Variants in KBTBD8 observed in about 807,000 individuals in gnomAD.
KBTBD8 encodes kelch repeat and BTB domain-containing protein 8.
Under a neutral mutation model 53.5 loss-of-function variants are expected in KBTBD8, and 31 were observed. That is an observed-to-expected ratio of 0.58 (90% confidence interval 0.44 to 0.78). The LOEUF (loss-of-function observed/expected upper bound fraction) is 0.78. Among genes scored for constraint, KBTBD8 ranks in the 30% least tolerant of loss-of-function variants. The probability of loss-of-function intolerance (pLI) is 0.00; values close to 1 mark genes in which losing one functional copy is unlikely to be tolerated. For missense variants in KBTBD8, 642 were observed against 735.8 expected (o/e 0.87, Z 1.48); for synonymous variants, 250 against 247.3 (o/e 1.01, Z -0.10).
Position 66,999,025 on chromosome 3 carries a change from G to A in KBTBD8, c.61G>A (p.Asp21Asn). 1.9e-6 allele frequency: 3 copies of A among 1,613,726 alleles called. No individual in the cohort carries two copies. The highest frequency in any genetic ancestry group is 2.5e-6 in the Non-Finnish European group (3 of 1,179,800). The change falls in exon 2 of 4, where the codon GAC becomes AAC. Residue 21 changes from aspartate (D) to asparagine (N), a missense_variant. Transcript: ENST00000417314. ...SPTPNGIPSS[D>N]PASDAMDPFH... ...AACACCGAATGGGATTCCATCTTCA[G>A]ACCCAGCCAGCGATGCCATGGACCC...
At chr3:66,998,781 T>G (rs1701987405) in intron 1 of KBTBD8, 200 bp from the exon 2 acceptor site, 2 of 606,528 alleles carry the variant, frequency 3.3e-6, no homozygotes, top group South Asian at 4.0e-5. Context: ...GCCTTTGAAC[T>G]TGTTCCGCCG....
At chr3:67,003,095 C>T in intron 2 of KBTBD8, 100 bp from the exon 3 acceptor site, 1 of 1,215,650 alleles carries the variant, frequency 8.2e-7, no homozygotes, top group South Asian at 1.4e-5. Context: ...TATTCTGTTT[C>T]AAAAGGTTAT....
Position 67,004,226 on chromosome 3 carries a change from G to T in KBTBD8, c.1259G>T (p.Cys420Phe). Residue 420 changes from cysteine (C) to phenylalanine (F), a missense_variant, in exon 3 of 4, where the codon TGT becomes TTT. Physicochemically the swap from Cys to Phe is radical, Grantham distance 205. Transcript: ENST00000417314. ...SVECYDSRENCWTTVCAMPVA... is the reference protein window; with the variant it reads ...SVECYDSRENFWTTVCAMPVA... ...GAGTGCTACGACAGTAGAGAGAATT[G>T]TTGGACGACTGTTTGCGCGATGCCA... 1.2e-6 allele frequency: 2 copies of T among 1,614,170 alleles called. No individual in the cohort carries two copies. The highest frequency in any genetic ancestry group is 1.7e-6 in the Non-Finnish European group (2 of 1,180,014).
rs1702110629 is a variant in KBTBD8 at position 67,010,814 on chromosome 3, TA to T, written c.*2431del. The T allele has an allele frequency of 6.5e-6, 1 of 152,780 alleles. No homozygotes were observed. The highest frequency in any genetic ancestry group is 6.5e-5 in the Admixed American group (1 of 15,306). The allele number at this position is 152,780 out of a possible 1,614,324, so 9.5% of individuals were successfully genotyped here. A position where few individuals can be genotyped will look rare whatever the true frequency, so the allele number is the denominator to read the frequency against. ...GTCTAACATAATGCCAGTTCCACTT[TA>T]ACTTTGTTTTTGCATTTGAAGAATG... On this transcript the variant is annotated 3_prime_UTR_variant, in exon 4 of 4. Transcript: ENST00000417314.
chr3:67,001,994 G>T (rs1414007214), intron 2 of KBTBD8, among the ~76,000 whole-genome samples: 1 of 152,136 alleles, frequency 6.6e-6, no homozygotes, highest in Non-Finnish European at 1.5e-5. Flanking sequence ...TACTTAAAGA[G>T]CCAGGCTGCT....
chr3:66,998,882 G>T (rs982261960), intron 1 of KBTBD8, 99 bp from the exon 2 acceptor site: 3 of 892,044 alleles, frequency 3.4e-6, no homozygotes, highest in Non-Finnish European at 3.6e-6. Flanking sequence ...TATCTTGTAG[G>T]GGGAAAAAGC....
chr3:67,003,751 GC>G lies in KBTBD8; in HGVS notation c.786del (p.Ser264AlafsTer3). 1 of 1,614,070 alleles carries G rather than the reference GC, an allele frequency of 6.2e-7. No individual in the cohort carries two copies. Among genetic ancestry groups the G allele is most frequent in the Non-Finnish European group, 8.5e-7 (1 of 1,179,976 alleles). ...TCCACCTCAGTTTGCACAGGCTATA[GC>G]CAAAAGCTGTGTAGAAAAGGGACCA... Reference protein sequence around the residue: ...KIPPQFAQAIAKSCVEKGPSN... With the variant: ...KIPPQFAQAIXKSCVEKGPSN... On this transcript the variant is annotated frameshift_variant, in exon 3 of 4. Coordinates refer to ENST00000417314, the MANE Select transcript of KBTBD8 (RefSeq NM_032505.3). LOFTEE classifies it high-confidence loss of function.
intron 2 of KBTBD8, among the ~76,000 whole-genome samples, chr3:67,001,704 G>A (rs1031824882): frequency 6.6e-6 from 1 of 152,100 alleles, no homozygotes; most frequent in Non-Finnish European, 1.5e-5. Context: ...CATCAAAAAA[G>A]CCAGTGTGAT....
Position 66,998,332 on chromosome 3 carries a change from C to A in KBTBD8, c.-24C>A. The A allele has an allele frequency of 1.5e-6, 2 of 1,299,186 alleles. No homozygotes were observed. Among genetic ancestry groups the A allele is most frequent in the Non-Finnish European group, 2.0e-6 (2 of 1,015,866 alleles). 80.5% of individuals were successfully genotyped at this position (1,299,186 alleles called of 1,614,324 possible). A position where few individuals can be genotyped will look rare whatever the true frequency, so the allele number is the denominator to read the frequency against. The stretch of plus-strand genomic sequence containing the variant: ...GAAATGACATTTCCTTTTTAAATAG[C>A]TGGAGTCGGGGCCCCATCGAGAAAT... On this transcript the variant is annotated 5_prime_UTR_variant, in exon 1 of 4. The change creates a new upstream start codon in the 5' untranslated region. Transcript: ENST00000417314.
intron 2 of KBTBD8, among the ~76,000 whole-genome samples, 191 bp downstream of exon 2, chr3:66,999,382 G>A (rs1003620768): frequency 6.6e-6 from 1 of 152,128 alleles, no homozygotes; most frequent in Non-Finnish European, 1.5e-5. Context: ...CTAGATTTCG[G>A]GTGATTGCTT....
In KBTBD8 at chr3:66,998,384, G is replaced by C. The variant is rs1701981301; in HGVS notation, c.16+13G>C. ...GCCGCGTCGGCAGGTGGGTCGTGTGGTGGCCAGGGCGGCGTGGAGGGAGGT... is the reference window on the plus strand; with the variant it reads ...GCCGCGTCGGCAGGTGGGTCGTGTGCTGGCCAGGGCGGCGTGGAGGGAGGT... On this transcript the variant is annotated intron_variant, in intron 1 of 3. Transcript: ENST00000417314. The C allele has an allele frequency of 7.7e-7, 1 of 1,296,634 alleles. No individual in the cohort carries two copies. The highest frequency in any genetic ancestry group is 9.9e-7 in the Non-Finnish European group (1 of 1,014,646). 80.3% of individuals were successfully genotyped at this position (1,296,634 alleles called of 1,614,324 possible).
At chr3:67,001,168 C>T (rs1191821255) in intron 2 of KBTBD8, among the ~76,000 whole-genome samples, 5 of 152,062 alleles carry the variant, frequency 3.3e-5, no homozygotes, top group Admixed American at 1.3e-4. Context: ...AGATATTTGG[C>T]TAGAAACCTC....
In KBTBD8 at chr3:67,005,281, T is replaced by C. The variant is rs139616650; in HGVS notation, c.1342+972T>C. On this transcript the variant is annotated intron_variant, in intron 3 of 3. Coordinates refer to ENST00000417314, the MANE Select transcript of KBTBD8 (RefSeq NM_032505.3). ...AAAAGGAGCAGCTTCTATGAAGATA[T>C]ACAGTCATGTGCCATGTAATGTTTT... is the stretch of plus-strand genomic sequence containing the variant. Among the ~76,000 whole-genome samples, 346 of 152,356 alleles carry C rather than the reference T, an allele frequency of 2.3e-3. 1 individual carries two copies. The highest frequency in any genetic ancestry group is 3.1e-3 in the Non-Finnish European group (210 of 68,034).
intron 2 of KBTBD8, among the ~76,000 whole-genome samples, chr3:67,002,476 A>G (rs1040913095): frequency 3.3e-4 from 46 of 139,538 alleles, no homozygotes; most frequent in Non-Finnish European, 9.4e-5. Flanking sequence ...GTTTCTTTGT[A>G]TGCTAATGTA....
intron 3 of KBTBD8, among the ~76,000 whole-genome samples, chr3:67,005,885 T>G (rs542973299): frequency 1.3e-5 from 2 of 152,206 alleles, no homozygotes; most frequent in African/African-American, 4.8e-5. Flanking sequence ...CTTGAACTCC[T>G]GACCTGCAGT....
Position 67,003,995 on chromosome 3 carries a change from A to G in KBTBD8, c.1028A>G (p.Tyr343Cys). 1.2e-6 allele frequency: 2 copies of G among 1,614,186 alleles called. No individual in the cohort carries two copies. Among genetic ancestry groups the G allele is most frequent in the Non-Finnish European group, 1.7e-6 (2 of 1,180,024 alleles). The change falls in exon 3 of 4, where the codon TAC becomes TGC. Residue 343 changes from tyrosine (Y) to cysteine (C), a missense_variant. Tyr to Cys is a radical substitution (Grantham distance 194). Coordinates refer to ENST00000417314, the MANE Select transcript of KBTBD8 (RefSeq NM_032505.3). ...PDNDIYIAGG[Y>C]RPSSSEVSID... The stretch of plus-strand genomic sequence containing the variant: ...AATGACATTTACATTGCAGGAGGGT[A>G]CAGGCCAAGCAGCAGTGAGGTCTCC...
Position 67,003,591 on chromosome 3 carries a change from C to T in KBTBD8, c.624C>T (p.Asp208=). The T allele has an allele frequency of 6.2e-7, 1 of 1,613,882 alleles. No individual in the cohort carries two copies. Among genetic ancestry groups the T allele is most frequent in the Non-Finnish European group, 8.5e-7 (1 of 1,179,864 alleles). Residue 208 remains aspartate, a synonymous_variant, in exon 3 of 4, where the codon GAC becomes GAT. Coordinates refer to ENST00000417314, the MANE Select transcript of KBTBD8 (RefSeq NM_032505.3). ...TAGACAGTGACGATTTAAATGTAGACCGAGAAGAGCATGTTTATGAAAGCA... is the reference window on the plus strand; with the variant it reads ...TAGACAGTGACGATTTAAATGTAGATCGAGAAGAGCATGTTTATGAAAGCA... The part of the protein sequence containing the change: ...SILDSDDLNV[D]REEHVYESII...
chr3:67,004,424 T>C, intron 3 of KBTBD8, 115 bp downstream of exon 3: 2 of 952,414 alleles, frequency 2.1e-6, no homozygotes, highest in Non-Finnish European at 3.2e-6. Flanking sequence ...TCCAGCTTCC[T>C]TATCAAACTA....
chr3:67,003,036 A>G (rs1159668193), intron 2 of KBTBD8, among the ~76,000 whole-genome samples, 159 bp from the exon 3 acceptor site: 1 of 152,188 alleles, frequency 6.6e-6, no homozygotes, highest in Non-Finnish European at 1.5e-5. Context: ...CTTCTGATAC[A>G]TTATCAATTT....
Sources: allele counts gnomAD v4.1 joint callset (sites outside exome capture counted in the v4.1 genomes callset), GRCh38; gene constraint gnomAD v4.1.1; transcripts MANE v1.5; gene names NCBI Gene and HGNC (gene_info 2026-07-23, HGNC 2026-07-21).